Variants in TPTE2 observed in about 807,000 individuals in gnomAD.
TPTE2 encodes the protein phosphatidylinositol 3,4,5-trisphosphate 3-phosphatase TPTE2.
Under a neutral mutation model 78.6 loss-of-function variants are expected in TPTE2, and 53 were observed. That is an observed-to-expected ratio of 0.67 (90% confidence interval 0.54 to 0.85). The LOEUF (loss-of-function observed/expected upper bound fraction) is 0.85, where lower values mean the gene tolerates loss of function less well. Among genes scored for constraint, TPTE2 ranks in the 40% least tolerant of loss-of-function variants. The probability of loss-of-function intolerance (pLI) is 0.00; values close to 1 mark genes in which losing one functional copy is unlikely to be tolerated. For synonymous variants in TPTE2, 175 were observed against 206.2 expected (o/e 0.85, Z 1.30); for missense variants, 461 against 623.0 (o/e 0.74, Z 2.77).
intron 15 of TPTE2, among the ~76,000 whole-genome samples, chr13:19,435,030 C>CT (rs1354243013): frequency 1.3e-5 from 2 of 152,116 alleles, no homozygotes; most frequent in East Asian, 3.9e-4. Flanking sequence ...TCAGCAAAGT[C>CT]TAGAATGTTG....
intron 4 of TPTE2, among the ~76,000 whole-genome samples, chr13:19,478,208 T>C (rs1880091289): frequency 6.6e-6 from 1 of 151,996 alleles, no homozygotes; most frequent in South Asian, 2.1e-4. Flanking sequence ...GAAACTACCA[T>C]CAGAGTGAAC....
At chr13:19,446,872 G>A (rs2137521071) in intron 13 of TPTE2, among the ~76,000 whole-genome samples, 1 of 152,256 alleles carries the variant, frequency 6.6e-6, no homozygotes, top group South Asian at 2.1e-4. Flanking sequence ...AGCCCCAGGA[G>A]GTTCAGGCTG....
In TPTE2 at chr13:19,478,329, C is replaced by A. The variant is rs1387316241; in HGVS notation, c.180-2706G>T. On this transcript the variant is annotated intron_variant, in intron 4 of 19. Coordinates refer to ENST00000400230, the Ensembl canonical transcript of TPTE2. ...AAATTTACAAGAAAAAAACAAACAACCCCATCAAAAAGTGGGCAAAGGATA... is the reference window on the plus strand; with the variant it reads ...AAATTTACAAGAAAAAAACAAACAAACCCATCAAAAAGTGGGCAAAGGATA... 2.0e-5 allele frequency among the ~76,000 whole-genome samples: 3 copies of A among 152,204 alleles called. No homozygotes were observed. The East Asian group carries it at 5.8e-4, about 29-fold the overall frequency.
chr13:19,439,205 G>A (rs1471562000), intron 13 of TPTE2, among the ~76,000 whole-genome samples: 4 of 152,116 alleles, frequency 2.6e-5, no homozygotes, highest in African/African-American at 9.7e-5. Context: ...GCAGCAGAGA[G>A]CTCCTCCCAA....
At chr13:19,442,596 A>G (rs1877568281) in intron 13 of TPTE2, among the ~76,000 whole-genome samples, 1 of 152,068 alleles carries the variant, frequency 6.6e-6, no homozygotes, top group Non-Finnish European at 1.5e-5. Flanking sequence ...TAAGTAAAAA[A>G]TAGAGACCAC....
upstream of TPTE2, among the ~76,000 whole-genome samples, chr13:19,537,681 C>T (rs1481572403): frequency 6.6e-6 from 1 of 151,796 alleles, no homozygotes; most frequent in South Asian, 2.1e-4. Flanking sequence ...TGGCTCACTG[C>T]AACCTCTGTC....
the TPTE2 span, among the ~76,000 whole-genome samples, chr13:19,548,557 A>C: frequency 1.3e-4 from 19 of 151,722 alleles, no homozygotes; most frequent in African/African-American, 4.4e-4. Context: ...AATACAAACA[A>C]AAGTGTGATT....
chr13:19,560,015 A>T, the TPTE2 span: 2 of 521,526 alleles, frequency 3.8e-6, no homozygotes, highest in Non-Finnish European at 6.6e-6. Flanking sequence ...CCCTCGCCTC[A>T]GTCCATCATG....
intron 4 of TPTE2, among the ~76,000 whole-genome samples, chr13:19,478,568 T>G (rs1880119058): frequency 6.6e-6 from 1 of 152,226 alleles, no homozygotes; most frequent in Non-Finnish European, 1.5e-5. Context: ...GGTGGGACTG[T>G]AAACTAGTTC....
intron 1 of TPTE2, among the ~76,000 whole-genome samples, chr13:19,496,058 G>C (rs914553326): frequency 5.3e-5 from 8 of 152,110 alleles, no homozygotes; most frequent in African/African-American, 1.9e-4. Flanking sequence ...AGTAGAGATG[G>C]GGTTTCACCA....
chr13:19,535,439 AT>A lies in TPTE2; in HGVS notation c.-44+1156del, dbSNP rs1409059013. ...TTAAGGAATTCTCAGCAAATGTCTTATTTTTTAAAACACCAATGGTCATCCC... is the reference window on the plus strand; with the variant it reads ...TTAAGGAATTCTCAGCAAATGTCTTATTTTTAAAACACCAATGGTCATCCC... On this transcript the variant is annotated intron_variant, in intron 1 of 17. Transcript: ENST00000390680. This position sits in a 1 kb window ranked among gnomAD's most constrained non-coding sequence, Gnocchi z 5.1. Among the ~76,000 whole-genome samples the A allele has an allele frequency of 6.6e-6, 1 of 151,778 alleles. No homozygotes were observed. The highest frequency in any genetic ancestry group is 1.5e-5 in the Non-Finnish European group (1 of 67,936).
At chr13:19,456,031 C>T (rs1273243555) in intron 10 of TPTE2, among the ~76,000 whole-genome samples, 3 of 151,638 alleles carry the variant, frequency 2.0e-5, no homozygotes, top group Non-Finnish European at 2.9e-5. Context: ...CCGTGAAAGT[C>T]CTAGATAATT....
At chr13:19,506,164 T>TTTTA (rs1869011630), upstream of TPTE2, among the ~76,000 whole-genome samples, 1 of 37,430 alleles carries the variant, frequency 2.7e-5, no homozygotes, top group African/African-American at 7.9e-5. Context: ...ATAAATCTTT[T>TTTTA]TTTTTTTTTT....
At chr13:19,446,917 T>A (rs910301047) in intron 13 of TPTE2, among the ~76,000 whole-genome samples, 3 of 152,164 alleles carry the variant, frequency 2.0e-5, no homozygotes, top group Non-Finnish European at 4.4e-5. Flanking sequence ...CACTCCAGCC[T>A]GAGTGACAGA....
intron 1 of TPTE2, among the ~76,000 whole-genome samples, chr13:19,516,836 A>G (rs1482726411): frequency 6.6e-6 from 1 of 152,244 alleles, no homozygotes; most frequent in Admixed American, 6.5e-5. Flanking sequence ...TAACAGGCAT[A>G]GAATGAGGCT....
chr13:19,473,591 A>T (rs1490212319), intron 6 of TPTE2, among the ~76,000 whole-genome samples: 3 of 127,426 alleles, frequency 2.4e-5, no homozygotes, highest in Non-Finnish European at 3.1e-5. Flanking sequence ...TAATTATTTT[A>T]AAATGCTTTT....
intron 4 of TPTE2, among the ~76,000 whole-genome samples, chr13:19,481,415 T>C (rs965899249): frequency 3.9e-5 from 6 of 152,220 alleles, no homozygotes; most frequent in Non-Finnish European, 5.9e-5. Flanking sequence ...TTGCTGAGTA[T>C]CAGGTGAATG....
At chr13:19,548,522 T>C in the TPTE2 span, among the ~76,000 whole-genome samples, 1 of 151,516 alleles carries the variant, frequency 6.6e-6, no homozygotes, top group Non-Finnish European at 1.5e-5. Context: ...TATGTAAGAA[T>C]TGAAAAGGTT....
At chr13:19,465,370 T>C (rs1478600596) in intron 8 of TPTE2, 52 bp from the exon 12 acceptor site, 2 of 1,612,306 alleles carry the variant, frequency 1.2e-6, no homozygotes, top group Admixed American at 1.7e-5. Context: ...AACATAAAAA[T>C]AAAAAACATT....
Sources: allele counts gnomAD v4.1 joint callset (sites outside exome capture counted in the v4.1 genomes callset), GRCh38; gene constraint gnomAD v4.1.1; non-coding constraint Gnocchi (gnomAD v3.1); transcripts MANE v1.5; gene names NCBI Gene and HGNC (gene_info 2026-07-23, HGNC 2026-07-21).